SPTBN4: variants seen among roughly 807,000 people sequenced by gnomAD.
SPTBN4 encodes the protein spectrin beta, non-erythrocytic 4.
Under a neutral mutation model 277.8 loss-of-function variants are expected in SPTBN4, and 96 were observed. The ratio of observed to expected loss-of-function variants is 0.35; its 90% CI spans 0.29 to 0.41. SPTBN4 has a LOEUF of 0.41. SPTBN4 is among the 10% of genes least tolerant of loss of function. SPTBN4 has a pLI of 1.00. For synonymous variants in SPTBN4, 1,481 were observed against 1,580.3 expected, an observed-to-expected ratio of 0.94 and a Z score of 1.49; for missense variants, 3,006 against 3,595.7, an observed-to-expected ratio of 0.84 and a Z score of 4.19.
intron 20 of SPTBN4, among the ~76,000 whole-genome samples, chr19:40,537,250 T>C (rs932229497): frequency 2.6e-5 from 4 of 152,166 alleles, no homozygotes; most frequent in African/African-American, 9.7e-5. Context: ...CCTCAGGTGA[T>C]CGGCCTGCCT....
At chr19:40,564,784 C>G (rs1367289369) in intron 27 of SPTBN4, among the ~76,000 whole-genome samples, 3 of 151,206 alleles carry the variant, frequency 2.0e-5, no homozygotes, top group Non-Finnish European at 2.9e-5. Flanking sequence ...CTGAAGTGAG[C>G]TGCAATCTTG....
intron 2 of SPTBN4, among the ~76,000 whole-genome samples, chr19:40,475,327 TATAGATG>T (rs1435855832): frequency 3.9e-5 from 6 of 152,146 alleles, no homozygotes; most frequent in African/African-American, 7.2e-5. Context: ...AATCATAAAA[TATAGATG>T]ATCATAATCA....
chr19:40,570,220 C>CAA (rs1181447291), intron 32 of SPTBN4, among the ~76,000 whole-genome samples: 2 of 151,958 alleles, frequency 1.3e-5, no homozygotes, highest in African/African-American at 4.8e-5. Context: ...TTTCCACCAC[C>CAA]GAGAGAGATT....
At chr19:40,531,848 C>A (rs977172218) in intron 18 of SPTBN4, among the ~76,000 whole-genome samples, 2 of 151,766 alleles carry the variant, frequency 1.3e-5, no homozygotes, top group Non-Finnish European at 2.9e-5. Flanking sequence ...TTGGGGTAGA[C>A]TGGTTTGGAG....
Position 40,556,075 on chromosome 19 carries a change from C to T in SPTBN4, c.5085-9C>T. 1 of 1,607,014 alleles carries T rather than the reference C, an allele frequency of 6.2e-7. No individual in the cohort carries two copies. On this transcript the variant is annotated splice_polypyrimidine_tract_variant and intron_variant, in intron 24 of 35. Transcript: ENST00000598249. ...GGGTCCATCCCTGCCCCTCCATGTC[C>T]CCCTTCAGCGAGCAGATCAGCCGGC...
In SPTBN4 at chr19:40,544,225, C is replaced by G. The variant is rs185474746; in HGVS notation, c.4360-4964C>G. On this transcript the variant is annotated intron_variant, in intron 20 of 35. Transcript: ENST00000598249. ...TGGCGCGATCTCAGCTCACTGCAACCTCCGCCTCCCGGGTTCAAGCAATTC... is the reference window on the plus strand; with the variant it reads ...TGGCGCGATCTCAGCTCACTGCAACGTCCGCCTCCCGGGTTCAAGCAATTC... 8.0e-5 allele frequency among the ~76,000 whole-genome samples: 12 copies of G among 150,306 alleles called. No individual in the cohort carries two copies. In the East Asian group the frequency reaches 2.1e-3, roughly 27 times the overall value.
chr19:40,556,674 C>T (rs2080982778), intron 25 of SPTBN4, among the ~76,000 whole-genome samples: 2 of 152,060 alleles, frequency 1.3e-5, no homozygotes, highest in South Asian at 4.1e-4. Context: ...GCCTGTAATC[C>T]CAACACTTTG....
At chr19:40,477,861 G>C (rs1341111805) in intron 2 of SPTBN4, among the ~76,000 whole-genome samples, 1 of 151,828 alleles carries the variant, frequency 6.6e-6, no homozygotes, top group Non-Finnish European at 1.5e-5. Flanking sequence ...TTTTTGAGAC[G>C]GAGTTTCGCT....
At chr19:40,497,847 C>T (rs2080217762) in intron 7 of SPTBN4, among the ~76,000 whole-genome samples, 1 of 151,658 alleles carries the variant, frequency 6.6e-6, no homozygotes, top group South Asian at 2.1e-4. Context: ...CAACCGTGTC[C>T]CAACGTAACC....
Position 40,567,989 on chromosome 19 carries a change from C to G in SPTBN4, c.6663C>G (p.Pro2221=), listed in dbSNP as rs942984704. 75 of 1,500,806 alleles carry G rather than the reference C, an allele frequency of 5.0e-5. No homozygotes were observed. Among genetic ancestry groups the G allele is most frequent in the Non-Finnish European group, 6.5e-5 (73 of 1,130,798 alleles). The allele number at this position is 1,500,806 out of a possible 1,614,324, so 93.0% of individuals were successfully genotyped here. The change falls in exon 31 of 36, where the codon CCC becomes CCG. Residue 2221 remains proline (P), a synonymous_variant. Coordinates refer to ENST00000598249, the MANE Select transcript of SPTBN4 (RefSeq NM_020971.3). ...PEDAAETPAT[P]AAAEQVRPRP... ...ACGCGGCGGAGACCCCCGCGACCCC[C>G]GCGGCGGCGGAGCAGGTGCGGCCAC...
intron 13 of SPTBN4, among the ~76,000 whole-genome samples, chr19:40,511,845 C>T (rs74259518): frequency 0.015 from 2,319 of 152,046 alleles, 20 homozygotes; most frequent in East Asian, 0.054. Context: ...AGAAGTTGGC[C>T]GGTGGCAGTG....
At chr19:40,478,782 A>G (rs1164543078) in intron 2 of SPTBN4, among the ~76,000 whole-genome samples, 2 of 152,004 alleles carry the variant, frequency 1.3e-5, no homozygotes, top group Admixed American at 1.3e-4. Context: ...CCTGACCTCA[A>G]GTGGTCCACC....
Position 40,503,979 on chromosome 19 carries a change from G to A in SPTBN4, c.1512G>A (p.Arg504=). The A allele has an allele frequency of 1.9e-6, 3 of 1,613,962 alleles. No individual in the cohort carries two copies. Among genetic ancestry groups the A allele is most frequent in the African/African-American group, 2.7e-5 (2 of 75,042 alleles). Residue 504 remains arginine, a synonymous_variant, in exon 12 of 36, where the codon CGG becomes CGA. Coordinates refer to ENST00000598249, the MANE Select transcript of SPTBN4 (RefSeq NM_020971.3). ...CAGCCGAAGGCTACTACGATATCCG[G>A]CGGGTGGCAGCCCAGCGTGACAGCG... ...ALAAEGYYDI[R]RVAAQRDSVL...
At position 40,568,224 on chromosome 19, in the gene SPTBN4, T is replaced by G; in HGVS notation, c.6898T>G (p.Leu2300Val). 1 of 1,604,606 alleles carries G rather than the reference T, an allele frequency of 6.2e-7. No individual in the cohort carries two copies. Among genetic ancestry groups the G allele is most frequent in the South Asian group, 1.1e-5 (1 of 89,488 alleles). The part of the protein sequence containing the change: ...ERRRERRERR[L>V]ERQESSEQEM... ...GCGGCGCGAGCGGCGTGAGCGGCGC[T>G]TGGAGCGGCAGGAGTCCAGCGAACA... The change falls in exon 31 of 36, where the codon TTG (leucine) becomes GTG (valine). Residue 2300 changes from leucine to valine, a missense_variant. This residue lies in a region of SPTBN4 where 630 missense variants were observed against 677.6 expected (regional missense o/e 0.93). Coordinates refer to ENST00000598249, the MANE Select transcript of SPTBN4 (RefSeq NM_020971.3).
At chr19:40,553,388 A>T (rs2080940168) in intron 22 of SPTBN4, among the ~76,000 whole-genome samples, 1 of 152,170 alleles carries the variant, frequency 6.6e-6, no homozygotes, top group African/African-American at 2.4e-5. Flanking sequence ...AGGCTGAGGC[A>T]GGAGGATCAC....
In SPTBN4 at chr19:40,502,617, T is replaced by C; in HGVS notation, c.1203+110T>C. Reference sequence around the variant, plus strand: ...GTAGACATGATGGATTAGATATTCATTCTGACAGTTTTTCAGTAGTAAAGT... The same window carrying C: ...GTAGACATGATGGATTAGATATTCACTCTGACAGTTTTTCAGTAGTAAAGT... On this transcript the variant is annotated intron_variant, in intron 10 of 35. Transcript: ENST00000598249. This position sits in a 1 kb window ranked among gnomAD's most constrained non-coding sequence, Gnocchi z 4.9. 6.9e-7 allele frequency: 1 copy of C among 1,442,004 alleles called. No homozygotes were observed. The highest frequency in any genetic ancestry group is 9.4e-7 in the Non-Finnish European group (1 of 1,067,078). The allele number at this position is 1,442,004 out of a possible 1,614,324, so 89.3% of individuals were successfully genotyped here.
chr19:40,554,214 T>G lies in SPTBN4; in HGVS notation c.4742T>G (p.Leu1581Arg). 6.7e-7 allele frequency: 1 copy of G among 1,488,432 alleles called. No individual in the cohort carries two copies. The highest frequency in any genetic ancestry group is 8.8e-7 in the Non-Finnish European group (1 of 1,131,172). The allele number at this position is 1,488,432 out of a possible 1,614,324, so 92.2% of individuals were successfully genotyped here. Reference protein sequence around the residue: ...LEEVLERAGALASLRSPEAEA... With the variant: ...LEEVLERAGARASLRSPEAEA... ...GAGGTGCTGGAGCGCGCGGGCGCGC[T>G]GGCGTCGCTGCGCAGCCCGGAGGCA... Residue 1581 changes from leucine to arginine, a missense_variant, in exon 23 of 36, where the codon CTG (leucine) becomes CGG (arginine). Physicochemically the swap from Leu to Arg is moderately radical, Grantham distance 102 (BLOSUM62 -2). Around this residue, in one of 5 missense-constraint regions of SPTBN4, gnomAD observed 1,759 missense variants for 2,061.5 expected, o/e 0.85. Transcript: ENST00000598249. This position sits in a 1 kb window ranked among gnomAD's most constrained non-coding sequence, Gnocchi z 5.7.
intron 7 of SPTBN4, 108 bp downstream of exon 7, chr19:40,497,712 G>C (rs1362472428): frequency 3.4e-6 from 3 of 883,914 alleles, no homozygotes; most frequent in Non-Finnish European, 5.4e-6. Context: ...AAATCCTGAG[G>C]CCTCTCCAAA....
At chr19:40,497,841 C>T (rs896689228) in intron 7 of SPTBN4, among the ~76,000 whole-genome samples, 4 of 151,726 alleles carry the variant, frequency 2.6e-5, no homozygotes, top group Admixed American at 6.6e-5. Flanking sequence ...CATCCCCAAC[C>T]GTGTCCCAAC....
Sources: allele counts gnomAD v4.1 joint callset (sites outside exome capture counted in the v4.1 genomes callset), GRCh38; gene constraint gnomAD v4.1.1; regional missense constraint gnomAD v4.1.1; non-coding constraint Gnocchi (gnomAD v3.1); transcripts MANE v1.5; gene names NCBI Gene and HGNC (gene_info 2026-07-23, HGNC 2026-07-21).